IL1RAPL1: variants seen among roughly 807,000 people sequenced by gnomAD.
IL1RAPL1 encodes interleukin 1 receptor accessory protein like 1, also known as interleukin-1 receptor accessory protein-like 1.
A neutral mutation model predicts 48.4 loss-of-function variants in IL1RAPL1; 3 were observed. That is an observed-to-expected ratio of 0.06 (90% CI 0.03 to 0.16). The LOEUF is 0.16. Ranked by LOEUF, IL1RAPL1 falls within the 10% of genes least tolerant of loss-of-function variation. The pLI is 1.00. For synonymous variants in IL1RAPL1, 185 were observed against 187.7 expected (o/e 0.99, Z 0.12); for missense variants, 349 against 530.6 (o/e 0.66, Z 3.36).
At chrX:29,603,700 T>C (rs1923800022) in intron 5 of IL1RAPL1, among the ~76,000 whole-genome samples, 1 of 112,204 alleles carries the variant, frequency 8.9e-6, no homozygotes, top group Non-Finnish European at 1.9e-5. Context: ...TTATGGGAGA[T>C]GACACTGATC....
intron 2 of IL1RAPL1, among the ~76,000 whole-genome samples, chrX:29,004,468 C>T (rs1032377828): frequency 9.0e-6 from 1 of 111,611 alleles, no homozygotes; most frequent in Non-Finnish European, 1.9e-5. Flanking sequence ...AAGTAATTTT[C>T]GTAGGCAGTG....
intron 5 of IL1RAPL1, among the ~76,000 whole-genome samples, chrX:29,589,095 T>A (rs911669751): frequency 1.1e-4 from 12 of 111,482 alleles, no homozygotes. Flanking sequence ...TATAACAAGA[T>A]CCCCAGGTAT....
chrX:29,021,215 G>GAAAAAAAAAAAAAAAAAAA (rs746008500), intron 2 of IL1RAPL1, among the ~76,000 whole-genome samples: 1 of 41,957 alleles, frequency 2.4e-5, no homozygotes, highest in African/African-American at 9.9e-5. Flanking sequence ...CCGTCTCAAG[G>GAAAAAAAAAAAAAAAAAAA]AAAAAAAAAA....
chrX:29,794,574 CA>C (rs1399529499), intron 6 of IL1RAPL1, among the ~76,000 whole-genome samples: 1 of 110,858 alleles, frequency 9.0e-6, no homozygotes, highest in Non-Finnish European at 1.9e-5. Context: ...AAATAGGGCA[CA>C]AAAGCAGTTA....
At chrX:29,920,794 C>CAAAAAAAAAAAAAAA (rs1176529100) in intron 8 of IL1RAPL1, among the ~76,000 whole-genome samples, 5 of 31,626 alleles carry the variant, frequency 1.6e-4, no homozygotes, top group Admixed American at 5.1e-4. Context: ...GACCCTGTCT[C>CAAAAAAAAAAAAAAA]AAAAAAAAAA....
chrX:29,465,947 T>C (rs1934857919), intron 5 of IL1RAPL1, among the ~76,000 whole-genome samples: 1 of 112,097 alleles, frequency 8.9e-6, no homozygotes, highest in African/African-American at 3.2e-5. Context: ...TCACTCAGCC[T>C]CAGTTACCAC....
intron 5 of IL1RAPL1, among the ~76,000 whole-genome samples, chrX:29,660,863 GAA>G (rs1466159421): frequency 8.9e-6 from 1 of 111,892 alleles, no homozygotes; most frequent in East Asian, 2.8e-4. Context: ...CTACTTCTGT[GAA>G]AAATGACATT....
At chrX:28,814,723 G>C (rs1020590050) in intron 2 of IL1RAPL1, among the ~76,000 whole-genome samples, 17 of 109,267 alleles carry the variant, frequency 1.6e-4, no homozygotes, top group African/African-American at 5.6e-4. Flanking sequence ...GTTTGCAACT[G>C]TTTTCTATGC....
At chrX:29,322,560 C>T (rs951168591) in intron 3 of IL1RAPL1, among the ~76,000 whole-genome samples, 5 of 112,320 alleles carry the variant, frequency 4.5e-5, no homozygotes, top group African/African-American at 6.5e-5. Flanking sequence ...CCACCACGCC[C>T]GGCTAAGTTC....
intron 6 of IL1RAPL1, among the ~76,000 whole-genome samples, chrX:29,770,350 T>G (rs1929031335): frequency 8.9e-6 from 1 of 112,300 alleles, no homozygotes; most frequent in Admixed American, 9.5e-5. Flanking sequence ...AAAATGCTTT[T>G]TTTTTAATAA....
intron 3 of IL1RAPL1, among the ~76,000 whole-genome samples, chrX:29,295,575 T>C (rs1298262002): frequency 8.9e-6 from 1 of 112,000 alleles, no homozygotes; most frequent in Non-Finnish European, 1.9e-5. Flanking sequence ...GGTGGCTTTG[T>C]GTATAACAAG....
chrX:29,123,430 A>G (rs1382696322), intron 2 of IL1RAPL1, among the ~76,000 whole-genome samples: 1 of 112,342 alleles, frequency 8.9e-6, no homozygotes, highest in Non-Finnish European at 1.9e-5. Context: ...GATGATTAAA[A>G]TATATTCAGT....
chrX:28,630,000 A>C (rs931171851), intron 1 of IL1RAPL1, among the ~76,000 whole-genome samples: 4 of 111,567 alleles, frequency 3.6e-5, no homozygotes, highest in African/African-American at 1.3e-4. Flanking sequence ...AAAAATATAC[A>C]AAACTCAGTT....
intron 2 of IL1RAPL1, chrX:28,942,247 C>T (rs1755932885): frequency 9.1e-6 from 1 of 109,432 alleles, no homozygotes; most frequent in South Asian, 3.8e-4. Flanking sequence ...GGCTGGCCTA[C>T]TTGACCTTTT....
intron 1 of IL1RAPL1, among the ~76,000 whole-genome samples, chrX:28,656,868 T>C (rs1458430090): frequency 9.2e-6 from 1 of 108,513 alleles, no homozygotes; most frequent in African/African-American, 3.4e-5. Context: ...CTACTAAAAA[T>C]ACAAAAAATT....
At chrX:28,659,338 A>C in intron 1 of IL1RAPL1, 2 of 554,196 alleles carry the variant, frequency 3.6e-6, no homozygotes, top group Non-Finnish European at 6.6e-6. Flanking sequence ...CCACAGTACC[A>C]GGCCTGTAAC....
intron 2 of IL1RAPL1, among the ~76,000 whole-genome samples, chrX:29,098,954 C>T (rs1323539231): frequency 9.0e-6 from 1 of 111,427 alleles, no homozygotes; most frequent in East Asian, 2.8e-4. Flanking sequence ...AGTTTGACAC[C>T]AGCCTGGCCA....
chrX:29,399,815 G>A (rs1933969879), intron 5 of IL1RAPL1, among the ~76,000 whole-genome samples: 1 of 87,245 alleles, frequency 1.1e-5, no homozygotes, highest in Non-Finnish European at 2.4e-5. Context: ...GCAAGACGAA[G>A]TCTCAGAAAA....
chrX:29,691,984 G>A (rs781184593), intron 6 of IL1RAPL1, among the ~76,000 whole-genome samples: 1 of 112,389 alleles, frequency 8.9e-6, no homozygotes, highest in African/African-American at 3.2e-5. Context: ...TGTCCTCACT[G>A]ATATGTGTGT....
Sources: gnomAD v4.1 joint callset for allele counts (sites outside exome capture counted in the v4.1 genomes callset) on GRCh38, gnomAD v4.1.1 for gene constraint, MANE v1.5 for transcripts, NCBI Gene and HGNC (gene_info 2026-07-23, HGNC 2026-07-21) for gene names.